GLRX3: variants seen among roughly 807,000 people sequenced by gnomAD.
GLRX3 encodes glutaredoxin-3.
A neutral mutation model predicts 49.5 loss-of-function variants in GLRX3; 22 were observed. The ratio of observed to expected loss-of-function variants is 0.44; its 90% CI spans 0.32 to 0.63. GLRX3 has a LOEUF of 0.63. Among genes scored for constraint, GLRX3 ranks in the 30% least tolerant of loss-of-function variants. GLRX3 has a pLI of 0.05. For missense variants in GLRX3, 385 were observed against 396.3 expected, an observed-to-expected ratio of 0.97 and a Z score of 0.24; for synonymous variants, 133 against 140.0, an observed-to-expected ratio of 0.95 and a Z score of 0.35.
chr10:130,148,863 G>T (rs1470162369), intron 2 of GLRX3, among the ~76,000 whole-genome samples: 2 of 151,986 alleles, frequency 1.3e-5, no homozygotes, highest in Admixed American at 6.6e-5. Context: ...AGGAGTTCGA[G>T]ACCAGCCTGG....
chr10:130,146,873 T>A (rs1201578365), intron 2 of GLRX3, among the ~76,000 whole-genome samples: 1 of 152,154 alleles, frequency 6.6e-6, no homozygotes, highest in Non-Finnish European at 1.5e-5. Flanking sequence ...GGTGATAAAA[T>A]TTTCAGGAGG....
intron 10 of GLRX3, among the ~76,000 whole-genome samples, chr10:130,176,317 A>G (rs1862919110): frequency 6.6e-6 from 1 of 151,966 alleles, no homozygotes; most frequent in African/African-American, 2.4e-5. Context: ...ATGGGGTTTC[A>G]CCATGTTGGC....
chr10:130,140,476 G>A (rs1862152237), intron 1 of GLRX3, among the ~76,000 whole-genome samples: 1 of 152,152 alleles, frequency 6.6e-6, no homozygotes, highest in South Asian at 2.1e-4. Context: ...GCATTAAATA[G>A]GAGAATATTG....
rs569414691 is a variant in GLRX3 at position 130,170,587 on chromosome 10, A to C, written c.772-997A>C. 4.6e-5 allele frequency among the ~76,000 whole-genome samples: 7 copies of C among 152,254 alleles called. No individual in the cohort carries two copies. In the East Asian group the frequency reaches 1.4e-3, roughly 29 times the overall value. On this transcript the variant is annotated intron_variant, in intron 7 of 10. Transcript: ENST00000331244. ...ATTGAAACAATAGAGGAAGTTAATA[A>C]TTCCTAGTAATGATAAAGTGACATT...
intron 2 of GLRX3, among the ~76,000 whole-genome samples, chr10:130,158,151 T>C (rs1862512258): frequency 6.6e-6 from 1 of 152,178 alleles, no homozygotes; most frequent in Non-Finnish European, 1.5e-5. Context: ...GGTCATTTGC[T>C]TCCCAGAAGA....
intron 2 of GLRX3, among the ~76,000 whole-genome samples, chr10:130,151,215 C>T (rs1326727159): frequency 2.6e-5 from 4 of 152,058 alleles, no homozygotes; most frequent in Admixed American, 1.3e-4. Context: ...CATGAGCCAT[C>T]GTGCCCGGCT....
chr10:130,162,170 G>A lies in GLRX3; in HGVS notation c.478+1173G>A, dbSNP rs1201753211. Among the ~76,000 whole-genome samples the A allele has an allele frequency of 2.0e-5, 3 of 152,254 alleles. No individual in the cohort carries two copies. The East Asian group carries it at 5.8e-4, about 29-fold the overall frequency. ...TTTTTTTGTATTTTTAGTAGAGATA[G>A]GGTTTGTCCATGTTGGTCAGGCTGG... On this transcript the variant is annotated intron_variant, in intron 4 of 10. Coordinates refer to ENST00000331244, the MANE Select transcript of GLRX3 (RefSeq NM_006541.5).
chr10:130,152,591 C>A (rs1334984273), intron 2 of GLRX3, among the ~76,000 whole-genome samples: 1 of 152,128 alleles, frequency 6.6e-6, no homozygotes, highest in African/African-American at 2.4e-5. Context: ...ATATGAAATT[C>A]TGGGTTGAAA....
At chr10:130,138,845 G>GTT (rs1433839730) in intron 1 of GLRX3, among the ~76,000 whole-genome samples, 30 of 114,556 alleles carry the variant, frequency 2.6e-4, no homozygotes, top group African/African-American at 8.1e-4. Context: ...ATGAATAAAA[G>GTT]TGTTTTTTTT....
At chr10:130,138,868 TG>T (rs1554954459) in intron 1 of GLRX3, among the ~76,000 whole-genome samples, 6 of 143,920 alleles carry the variant, frequency 4.2e-5, no homozygotes, top group East Asian at 2.0e-4. Flanking sequence ...TTTTTTTTTT[TG>T]GGGGGGAGAC....
intron 2 of GLRX3, chr10:130,159,721 A>T: frequency 2.5e-6 from 2 of 805,140 alleles, no homozygotes; most frequent in African/African-American, 1.7e-5. Context: ...CTAGGTCACT[A>T]GTGCACCAAA....
chr10:130,155,708 A>G (rs187598820), intron 2 of GLRX3, among the ~76,000 whole-genome samples: 1 of 152,230 alleles, frequency 6.6e-6, no homozygotes, highest in East Asian at 1.9e-4. Flanking sequence ...TGGGCTGGGA[A>G]GAAGTTGGGA....
intron 2 of GLRX3, among the ~76,000 whole-genome samples, chr10:130,154,122 G>A (rs1862431721): frequency 6.6e-6 from 1 of 152,246 alleles, no homozygotes; most frequent in African/African-American, 2.4e-5. Context: ...GGCTCCATGG[G>A]TGTGGGACTC....
chr10:130,143,289 A>T (rs925394667), intron 1 of GLRX3, among the ~76,000 whole-genome samples: 2 of 152,098 alleles, frequency 1.3e-5, no homozygotes, highest in Non-Finnish European at 2.9e-5. Context: ...ACAGTTTGTT[A>T]TTCCTTTCCT....
At chr10:130,138,853 T>G (rs1370812626) in intron 1 of GLRX3, among the ~76,000 whole-genome samples, 13 of 146,564 alleles carry the variant, frequency 8.9e-5, no homozygotes, top group Admixed American at 6.8e-4. Context: ...AAGTGTTTTT[T>G]TTTTTTTTTT....
intron 1 of GLRX3, among the ~76,000 whole-genome samples, chr10:130,142,662 A>G (rs1220339271): frequency 6.6e-6 from 1 of 152,200 alleles, no homozygotes; most frequent in Non-Finnish European, 1.5e-5. Flanking sequence ...AGTGGACTGC[A>G]GTCTGACCTG....
rs560511261 is a variant in GLRX3, at chr10:130,170,910, C to T, written c.772-674C>T. The stretch of plus-strand genomic sequence containing the variant: ...GCACTTTGGGAGGCCAAGGCAGGTC[C>T]GAGGTCAAGAGATCGAGACCATCCT... On this transcript the variant is annotated intron_variant, in intron 7 of 10. Transcript: ENST00000331244. Among the ~76,000 whole-genome samples the T allele has an allele frequency of 3.2e-4, 48 of 152,044 alleles. 1 individual carries two copies. The highest frequency in any genetic ancestry group is 1.9e-4 in the East Asian group (1 of 5,160).
rs141981118 is a variant in GLRX3, at chr10:130,177,030, T to C, written c.957+1941T>C. On this transcript the variant is annotated intron_variant, in intron 10 of 10. Transcript: ENST00000331244. Reference sequence around the variant, plus strand: ...TTTATGTTCACCTGCTAAGAACATATACGTTTGAAATGTGTGATATTGTTA... The same window carrying C: ...TTTATGTTCACCTGCTAAGAACATACACGTTTGAAATGTGTGATATTGTTA... 8.0e-3 allele frequency among the ~76,000 whole-genome samples: 1,215 copies of C among 152,286 alleles called. 12 individuals carry two copies. The highest frequency in any genetic ancestry group is 0.01 in the Middle Eastern group (3 of 294).
chr10:130,171,513 G>C, intron 7 of GLRX3, 71 bp from the exon 8 acceptor site: 1 of 854,920 alleles, frequency 1.2e-6, no homozygotes, highest in Admixed American at 1.7e-5. Context: ...TGGTTGACAA[G>C]AGTATTAGGT....
Sources: allele counts gnomAD v4.1 joint callset (sites outside exome capture counted in the v4.1 genomes callset), GRCh38; gene constraint gnomAD v4.1.1; transcripts MANE v1.5; gene names NCBI Gene and HGNC (gene_info 2026-07-23, HGNC 2026-07-21).